IFIT1: variants seen among roughly 807,000 people sequenced by gnomAD.
IFIT1 encodes antiviral innate immune response effector IFIT1.
In IFIT1, 1 loss-of-function variant was observed where a neutral mutation model predicts 2.5. That is an observed-to-expected ratio of 0.40 (90% confidence interval 0.14 to 1.92). The LOEUF (loss-of-function observed/expected upper bound fraction) is 1.92, where lower values mean the gene tolerates loss of function less well. Among genes scored for constraint, IFIT1 ranks in the 40% most tolerant of loss-of-function variants. The probability of loss-of-function intolerance (pLI) is 0.31; values close to 1 mark genes in which losing one functional copy is unlikely to be tolerated. For missense variants in IFIT1, 508 were observed against 557.8 expected, an observed-to-expected ratio of 0.91 and a Z score of 0.90; for synonymous variants, 191 against 201.7, an observed-to-expected ratio of 0.95 and a Z score of 0.45.
intron 1 of IFIT1, among the ~76,000 whole-genome samples, chr10:89,395,554 G>A (rs1447479868): frequency 5.9e-5 from 9 of 151,916 alleles, no homozygotes; most frequent in African/African-American, 7.3e-5. Context: ...ATGGCTTTCC[G>A]AGAGAGTGGC....
chr10:89,398,977 C>T (rs1006840520), intron 1 of IFIT1, among the ~76,000 whole-genome samples: 2 of 152,106 alleles, frequency 1.3e-5, no homozygotes, highest in Admixed American at 6.5e-5. Flanking sequence ...GCACTTGCCC[C>T]CTTTTACATT....
chr10:89,392,983 A>G, intron 1 of IFIT1: 1 of 700,198 alleles, frequency 1.4e-6, no homozygotes, highest in Non-Finnish European at 2.2e-6. Flanking sequence ...GAAATGGGAA[A>G]AGAGTTTTGC....
At chr10:89,394,598 A>ATATTT (rs1554880752) in intron 1 of IFIT1, among the ~76,000 whole-genome samples, 18 of 22,486 alleles carry the variant, frequency 8.0e-4, no homozygotes, top group African/African-American at 3.7e-3. Context: ...ATATATATAT[A>ATATTT]TATATATATA....
chr10:89,402,155 A>G (rs1448973678), intron 1 of IFIT1, 126 bp from the exon 2 acceptor site: 1 of 657,554 alleles, frequency 1.5e-6, no homozygotes, highest in Non-Finnish European at 2.6e-6. Flanking sequence ...AAATACATTA[A>G]CTTTAATGAA....
At chr10:89,396,378 G>T (rs1844342914) in intron 1 of IFIT1, among the ~76,000 whole-genome samples, 1 of 152,186 alleles carries the variant, frequency 6.6e-6, no homozygotes, top group Admixed American at 6.5e-5. Flanking sequence ...GTATGGTGCT[G>T]GCATCTTCTC....
In IFIT1 at chr10:89,402,857, C is replaced by G. The variant is rs1404278165; in HGVS notation, c.582C>G (p.Ala194=). 1.2e-6 allele frequency: 2 copies of G among 1,614,162 alleles called. No homozygotes were observed. The highest frequency in any genetic ancestry group is 3.3e-5 in the Admixed American group (2 of 60,016). The change falls in exon 2 of 2, where the codon GCC becomes GCG. Residue 194 remains alanine (A), a synonymous_variant. Coordinates refer to ENST00000371804, the MANE Select transcript of IFIT1 (RefSeq NM_001548.5). ...SAYRLDGFKL[A]TKNHKPFSLL... ...ATCGCCTGGATGGCTTTAAATTAGC[C>G]ACAAAAAATCACAAGCCATTTTCTT...
intron 1 of IFIT1, among the ~76,000 whole-genome samples, chr10:89,398,196 G>A (rs1844372604): frequency 6.6e-6 from 1 of 152,234 alleles, no homozygotes; most frequent in Non-Finnish European, 1.5e-5. Flanking sequence ...GCTGAAGGCA[G>A]CTGTTCTATA....
rs927046796 is a variant in IFIT1, at chr10:89,405,435, G to A, written c.*1723G>A. 1.3e-5 allele frequency: 2 copies of A among 152,168 alleles called. No homozygotes were observed. Among genetic ancestry groups the A allele is most frequent in the Admixed American group, 1.3e-4 (2 of 15,278 alleles). The allele number at this position is 152,168 out of a possible 1,614,324, so 9.4% of individuals were successfully genotyped here. A position where few individuals can be genotyped will look rare whatever the true frequency, so the allele number is the denominator to read the frequency against. ...TGATCTTTCATTCTGTATATGTTTT[G>A]GGGGGAATATACTAGTTTCTTTTAG... On this transcript the variant is annotated 3_prime_UTR_variant, in exon 2 of 2. Coordinates refer to ENST00000371804, the MANE Select transcript of IFIT1 (RefSeq NM_001548.5).
At position 89,403,180 on chromosome 10, in the gene IFIT1, T is replaced by G. The variant is rs1421637308; in HGVS notation, c.905T>G (p.Ile302Ser). 11 of 1,613,694 alleles carry G rather than the reference T, an allele frequency of 6.8e-6. No individual in the cohort carries two copies. Among genetic ancestry groups the G allele is most frequent in the Non-Finnish European group, 8.5e-6 (10 of 1,179,898 alleles). ...TGCTACAAGGCACAAATGATCCAAA[T>G]CAAGGAGGCTACAAAAGGGCAGCCT... The part of the protein sequence containing the change: ...GLCYKAQMIQ[I>S]KEATKGQPRG... Residue 302 changes from isoleucine to serine, a missense_variant, in exon 2 of 2, where the codon ATC becomes AGC. By Grantham distance (142) the Ile-to-Ser change is moderately radical (BLOSUM62 -2). Coordinates refer to ENST00000371804, the MANE Select transcript of IFIT1 (RefSeq NM_001548.5).
chr10:89,397,590 G>T (rs1844363322), intron 1 of IFIT1, among the ~76,000 whole-genome samples: 1 of 152,116 alleles, frequency 6.6e-6, no homozygotes, highest in African/African-American at 2.4e-5. Flanking sequence ...TGCCCAGACT[G>T]ATCTTAAACT....
intron 1 of IFIT1, among the ~76,000 whole-genome samples, chr10:89,401,120 T>C (rs955534515): frequency 2.9e-5 from 4 of 135,838 alleles, no homozygotes; most frequent in Non-Finnish European, 6.3e-5. Context: ...TTTAGATGAC[T>C]TTTTTTTTTT....
At chr10:89,401,454 G>GA (rs760889230) in intron 1 of IFIT1, among the ~76,000 whole-genome samples, 1 of 152,082 alleles carries the variant, frequency 6.6e-6, no homozygotes. Flanking sequence ...AAATTACAGA[G>GA]ATGAAGAACA....
rs1452093234 is a variant in IFIT1, at chr10:89,403,655, T to C, written c.1380T>C (p.Tyr460=). Residue 460 remains tyrosine, a synonymous_variant, in exon 2 of 2, where the codon TAT becomes TAC. Transcript: ENST00000371804. The part of the protein sequence containing the change: ...EGNMNEALEY[Y]ERALRLAADF... ...ATATGAATGAAGCCCTGGAGTACTA[T>C]GAGCGGGCCCTGAGACTGGCTGCTG... is the stretch of plus-strand genomic sequence containing the variant. 1 of 1,612,170 alleles carries C rather than the reference T, an allele frequency of 6.2e-7. No homozygotes were observed. The highest frequency in any genetic ancestry group is 1.3e-5 in the African/African-American group (1 of 74,934).
chr10:89,401,907 C>T (rs1466556617), intron 1 of IFIT1, among the ~76,000 whole-genome samples: 1 of 152,086 alleles, frequency 6.6e-6, no homozygotes, highest in Non-Finnish European at 1.5e-5. Context: ...TTCTAACTGA[C>T]CTCTGTCCTA....
At chr10:89,395,534 T>C (rs1402396327) in intron 1 of IFIT1, among the ~76,000 whole-genome samples, 3 of 152,186 alleles carry the variant, frequency 2.0e-5, no homozygotes, top group African/African-American at 7.2e-5. Context: ...CAAACTCTTC[T>C]TTACTGGTCA....
At chr10:89,394,848 C>A (rs1464988263) in intron 1 of IFIT1, among the ~76,000 whole-genome samples, 1 of 151,902 alleles carries the variant, frequency 6.6e-6, no homozygotes, top group Non-Finnish European at 1.5e-5. Context: ...CCCTACTTGC[C>A]TCTTTCCCCA....
At position 89,405,436 on chromosome 10, in the gene IFIT1, G is replaced by T. The variant is rs1186603062; in HGVS notation, c.*1724G>T. 4 of 152,142 alleles carry T rather than the reference G, an allele frequency of 2.6e-5. No individual in the cohort carries two copies. Among genetic ancestry groups the T allele is most frequent in the African/African-American group, 9.7e-5 (4 of 41,408 alleles). The allele number at this position is 152,142 out of a possible 1,614,324, so 9.4% of individuals were successfully genotyped here. On this transcript the variant is annotated 3_prime_UTR_variant, in exon 2 of 2. Transcript: ENST00000371804. ...GATCTTTCATTCTGTATATGTTTTG[G>T]GGGGAATATACTAGTTTCTTTTAGT...
chr10:89,400,548 A>G (rs1419933619), intron 1 of IFIT1, among the ~76,000 whole-genome samples: 3 of 151,960 alleles, frequency 2.0e-5, no homozygotes, highest in Non-Finnish European at 4.4e-5. Flanking sequence ...TGTAAATGGG[A>G]TTGTTTTCTT....
At position 89,403,427 on chromosome 10, in the gene IFIT1, T is replaced by C; in HGVS notation, c.1152T>C (p.Tyr384=). ...CAATGCAAGACATACATTTCCACTATGGTCGGTTTCAGGAATTTCAAAAGA... is the reference window on the plus strand; with the variant it reads ...CAATGCAAGACATACATTTCCACTACGGTCGGTTTCAGGAATTTCAAAAGA... The part of the protein sequence containing the change: ...EETMQDIHFH[Y]GRFQEFQKKS... The change falls in exon 2 of 2, where the codon TAT becomes TAC. Residue 384 remains tyrosine (Y), a synonymous_variant. Coordinates refer to ENST00000371804, the MANE Select transcript of IFIT1 (RefSeq NM_001548.5). 2 of 1,613,974 alleles carry C rather than the reference T, an allele frequency of 1.2e-6. No homozygotes were observed. The highest frequency in any genetic ancestry group is 1.1e-5 in the South Asian group (1 of 90,976).
Sources: allele counts gnomAD v4.1 joint callset (sites outside exome capture counted in the v4.1 genomes callset), GRCh38; gene constraint gnomAD v4.1.1; transcripts MANE v1.5; gene names NCBI Gene and HGNC (gene_info 2026-07-23, HGNC 2026-07-21).